Variants in OAS1 observed in about 807,000 individuals in gnomAD.
OAS1 encodes 2'-5'-oligoadenylate synthetase 1.
Under a neutral mutation model 38.5 loss-of-function variants are expected in OAS1, and 24 were observed. That is an observed-to-expected ratio of 0.62 (90% CI 0.45 to 0.88). The LOEUF (loss-of-function observed/expected upper bound fraction) is 0.88. Among genes scored for constraint, OAS1 ranks in the 40% least tolerant of loss-of-function variants. OAS1 has a pLI of 0.00. For synonymous variants in OAS1, 169 were observed against 193.9 expected (o/e 0.87, Z 1.07); for missense variants, 482 against 493.9 (o/e 0.98, Z 0.23).
chr12:112,925,175 G>T (rs1172303314), intron 6 of OAS1, among the ~76,000 whole-genome samples: 2 of 152,168 alleles, frequency 1.3e-5, no homozygotes, highest in Admixed American at 1.3e-4. Context: ...TGAGATCCAG[G>T]GTTGATGGGT....
intron 5 of OAS1, chr12:112,919,124 C>T: frequency 2.3e-6 from 1 of 435,254 alleles, no homozygotes; most frequent in South Asian, 2.3e-5. Context: ...GGCTTCTATA[C>T]CCCTACGTGG....
rs79785883 is a variant in OAS1, at chr12:112,916,625, G to A, written c.771G>A (p.Thr257=). 1,519 of 1,614,122 alleles carry A rather than the reference G, an allele frequency of 9.4e-4. 20 individuals carry two copies. The African/African-American group carries it at 0.016, about 17-fold the overall frequency. The part of the protein sequence containing the change: ...THFNTAQGFR[T]VLELVINYQQ... The stretch of plus-strand genomic sequence containing the variant: ...TCAACACAGCCCAGGGATTTCGGAC[G>A]GTCTTGGAATTAGTCATAAACTACC... The change falls in exon 4 of 6, where the codon ACG becomes ACA. Residue 257 remains threonine, a synonymous_variant. Transcript: ENST00000202917.
intron 3 of OAS1, among the ~76,000 whole-genome samples, chr12:112,912,996 A>C (rs2043408055): frequency 6.6e-6 from 1 of 152,196 alleles, no homozygotes; most frequent in African/African-American, 2.4e-5. Flanking sequence ...ATTCTGTCTT[A>C]CACCTCTAAC....
intron 3 of OAS1, among the ~76,000 whole-genome samples, 175 bp downstream of exon 3, chr12:112,911,410 A>G (rs1375093490): frequency 1.3e-5 from 2 of 152,066 alleles, no homozygotes; most frequent in Non-Finnish European, 2.9e-5. Flanking sequence ...CCTGCAACAG[A>G]AGGGAGAATG....
At chr12:112,912,265 GGGA>G (rs1420425284) in intron 3 of OAS1, among the ~76,000 whole-genome samples, 1 of 152,148 alleles carries the variant, frequency 6.6e-6, no homozygotes, top group Non-Finnish European at 1.5e-5. Flanking sequence ...GCTTGAGCCT[GGGA>G]GGAGGAGGTT....
chr12:112,917,646 T>C lies in OAS1; in HGVS notation c.984T>C (p.Asn328=), dbSNP rs757705565. The part of the protein sequence containing the change: ...QLAQEAEAWL[N]YPCFKNWDGS... Reference sequence around the variant, plus strand: ...CACAAGAGGCTGAGGCCTGGCTGAATTACCCATGCTTTAAGAATTGGGATG... The same window carrying C: ...CACAAGAGGCTGAGGCCTGGCTGAACTACCCATGCTTTAAGAATTGGGATG... Residue 328 remains asparagine (N), a synonymous_variant, in exon 5 of 6, where the codon AAT becomes AAC. Coordinates refer to ENST00000202917, the MANE Select transcript of OAS1 (RefSeq NM_016816.4). 2.5e-6 allele frequency: 4 copies of C among 1,614,072 alleles called. No individual in the cohort carries two copies. The highest frequency in any genetic ancestry group is 1.7e-5 in the Admixed American group (1 of 60,006).
rs1399069671 is a variant in OAS1, at chr12:112,911,121, G to A, written c.540G>A (p.Leu180=). ...YVKLIEECTD[L]QKEGEFSTCF... is the part of the protein sequence containing the mutation. ...AGCTCATCGAGGAGTGCACCGACCT[G>A]CAGAAAGAGGGCGAGTTCTCCACCT... Residue 180 remains leucine, a synonymous_variant, in exon 3 of 6, where the codon CTG becomes CTA. Coordinates refer to ENST00000202917, the MANE Select transcript of OAS1 (RefSeq NM_016816.4). The A allele has an allele frequency of 1.2e-6, 2 of 1,613,938 alleles. No homozygotes were observed. The highest frequency in any genetic ancestry group is 1.7e-6 in the Non-Finnish European group (2 of 1,179,958).
chr12:112,913,695 A>G (rs1267384032), intron 3 of OAS1, among the ~76,000 whole-genome samples: 2 of 152,178 alleles, frequency 1.3e-5, no homozygotes, highest in African/African-American at 4.8e-5. Flanking sequence ...TGTATCTGCC[A>G]TGGTACTTCT....
intron 3 of OAS1, 96 bp downstream of exon 3, chr12:112,911,331 AG>A: frequency 2.5e-6 from 2 of 806,066 alleles, no homozygotes; most frequent in Non-Finnish European, 3.6e-6. Flanking sequence ...AGGGAAGAGG[AG>A]GGGGAGTGGT....
intron 3 of OAS1, among the ~76,000 whole-genome samples, chr12:112,913,394 C>A (rs2043412588): frequency 1.3e-5 from 2 of 152,160 alleles, no homozygotes; most frequent in South Asian, 2.1e-4. Context: ...GGGTAGATAT[C>A]TTTAATCAGT....
At chr12:112,927,896 A>G (rs1323880196) in intron 6 of OAS1, among the ~76,000 whole-genome samples, 1 of 152,188 alleles carries the variant, frequency 6.6e-6, no homozygotes, top group Non-Finnish European at 1.5e-5. Context: ...GTCCATAATT[A>G]CAGACACCTT....
chr12:112,913,973 G>GAACCTAT (rs1409852319), intron 3 of OAS1, among the ~76,000 whole-genome samples: 4 of 151,708 alleles, frequency 2.6e-5, no homozygotes, highest in Admixed American at 6.6e-5. Flanking sequence ...TAGGTTTTTG[G>GAACCTAT]GGGAACAGGT....
At chr12:112,917,414 C>T in intron 4 of OAS1, 133 bp from the exon 5 acceptor site, 8 of 1,191,250 alleles carry the variant, frequency 6.7e-6, no homozygotes, top group Non-Finnish European at 9.5e-6. Context: ...TGGGGACATA[C>T]CCCAGGGAGC....
chr12:112,921,805 AT>A (rs2043531290), downstream of OAS1, among the ~76,000 whole-genome samples: 1 of 152,140 alleles, frequency 6.6e-6, no homozygotes, highest in African/African-American at 2.4e-5. Flanking sequence ...AGTGGTTTTA[AT>A]TTACTATCCT....
rs2043309216 is a variant in OAS1, at chr12:112,907,212, T to A, written c.173T>A (p.Val58Glu). ...TCCTACCCTGTGTGTGTGTCCAAGG[T>A]GGTAAAGGTGAGTCCAGGCCTGCCT... ...GSSYPVCVSK[V>E]VKGGSSGKGT... Residue 58 changes from valine to glutamate, a missense_variant, in exon 1 of 6, where the codon GTG becomes GAG. Physicochemically the swap from Val to Glu is moderately radical, Grantham distance 121. Transcript: ENST00000202917. 6.2e-7 allele frequency: 1 copy of A among 1,613,312 alleles called. No homozygotes were observed. The highest frequency in any genetic ancestry group is 8.5e-7 in the Non-Finnish European group (1 of 1,179,804).
At position 112,926,771 on chromosome 12, in the gene OAS1, G is replaced by A. The variant is rs147119809; in HGVS notation, c.1168-5107G>A. Among the ~76,000 whole-genome samples, 818 of 152,240 alleles carry A rather than the reference G, an allele frequency of 5.4e-3. 4 individuals carry two copies. The highest frequency in any genetic ancestry group is 0.018 in the African/African-American group (766 of 41,550). The stretch of plus-strand genomic sequence containing the variant: ...CAGAGAACCAGTCTGACTAGAATTC[G>A]CCAGGCTGGAATTTCCTAATCCTAG... On this transcript the variant is annotated intron_variant, in intron 6 of 6. Transcript: ENST00000540589.
downstream of OAS1, among the ~76,000 whole-genome samples, chr12:112,922,305 G>A (rs953664505): frequency 2.0e-5 from 3 of 152,086 alleles, no homozygotes; most frequent in African/African-American, 4.8e-5. Flanking sequence ...AATCAGGAAG[G>A]GATGATGACT....
rs1259057585 is a variant in OAS1 at position 112,917,561 on chromosome 12, A to G, written c.899A>G (p.Asp300Gly). 2 of 1,614,104 alleles carry G rather than the reference A, an allele frequency of 1.2e-6. No individual in the cohort carries two copies. Among genetic ancestry groups the G allele is most frequent in the Non-Finnish European group, 1.7e-6 (2 of 1,180,020 alleles). Reference sequence around the variant, plus strand: ...CTGCTCTGCAGGCCTGTGATCCTGGACCCGGCGGACCCTACAGGAAACTTG... The same window carrying G: ...CTGCTCTGCAGGCCTGTGATCCTGGGCCCGGCGGACCCTACAGGAAACTTG... Reference protein sequence around the residue: ...QLTKPRPVILDPADPTGNLGG... With the variant: ...QLTKPRPVILGPADPTGNLGG... Residue 300 changes from aspartate to glycine, a missense_variant, in exon 5 of 6, where the codon GAC (aspartate) becomes GGC (glycine). Coordinates refer to ENST00000202917, the MANE Select transcript of OAS1 (RefSeq NM_016816.4).
chr12:112,928,291 G>A (rs2043573034), intron 6 of OAS1, among the ~76,000 whole-genome samples: 1 of 152,222 alleles, frequency 6.6e-6, no homozygotes, highest in East Asian at 1.9e-4. Flanking sequence ...TCCAGGGATG[G>A]GGTTGTGGTT....
Sources: allele counts gnomAD v4.1 joint callset (sites outside exome capture counted in the v4.1 genomes callset), GRCh38; gene constraint gnomAD v4.1.1; transcripts MANE v1.5; gene names NCBI Gene and HGNC (gene_info 2026-07-23, HGNC 2026-07-21).